CEMIP: variants seen among roughly 807,000 people sequenced by gnomAD.
The protein encoded by CEMIP is cell migration inducing hyaluronidase 1.
In CEMIP, 105 loss-of-function variants were observed where a neutral mutation model predicts 156.9. The ratio of observed to expected loss-of-function variants is 0.67; its 90% confidence interval spans 0.57 to 0.79. The LOEUF is 0.79. Ranked by LOEUF, CEMIP falls within the 30% of genes least tolerant of loss-of-function variation. The pLI is 0.00. For missense variants in CEMIP, 1,457 were observed against 1,769.4 expected (o/e 0.82, Z 3.17); for synonymous variants, 676 against 668.4 (o/e 1.01, Z -0.17).
At chr15:80,918,802 C>T (rs1007074332) in intron 14 of CEMIP, among the ~76,000 whole-genome samples, 2 of 152,034 alleles carry the variant, frequency 1.3e-5, no homozygotes, top group African/African-American at 4.8e-5. Context: ...TACCTGTTTG[C>T]CAGTTATGCT....
chr15:80,944,300 T>C (rs1189413113), intron 28 of CEMIP, among the ~76,000 whole-genome samples: 9 of 152,160 alleles, frequency 5.9e-5, no homozygotes, highest in Non-Finnish European at 8.8e-5. Context: ...AAAATAAAAG[T>C]TCTACCTCTG....
intron 1 of CEMIP, among the ~76,000 whole-genome samples, chr15:80,780,501 C>G: frequency 6.6e-6 from 1 of 152,214 alleles, no homozygotes; most frequent in East Asian, 1.9e-4. Flanking sequence ...CTGCGACAGC[C>G]GCTGTTCCCC....
intron 1 of CEMIP, among the ~76,000 whole-genome samples, chr15:80,864,970 G>A (rs1004529472): frequency 5.9e-5 from 9 of 152,008 alleles, no homozygotes; most frequent in Non-Finnish European, 8.8e-5. Flanking sequence ...GAATACCACC[G>A]TGAGAACTGT....
intron 1 of CEMIP, among the ~76,000 whole-genome samples, chr15:80,852,092 G>A (rs1294422386): frequency 6.6e-6 from 1 of 152,228 alleles, no homozygotes; most frequent in African/African-American, 2.4e-5. Context: ...TGCAGGGCAG[G>A]AAGGAGTGCT....
chr15:80,940,107 T>C (rs948061176), intron 25 of CEMIP, among the ~76,000 whole-genome samples: 3 of 152,224 alleles, frequency 2.0e-5, no homozygotes, highest in African/African-American at 7.2e-5. Flanking sequence ...GTACATTATT[T>C]AAGGTGCACA....
chr15:80,909,049 C>CA lies in CEMIP; in HGVS notation c.1588-47dup, dbSNP rs775929035. The CA allele has an allele frequency of 1.3e-5, 20 of 1,580,250 alleles. No individual in the cohort carries two copies. The African/African-American group carries it at 1.8e-4, about 14-fold the overall frequency. Reference sequence around the variant, plus strand: ...GAATATGGGCACCAGCCAGGGAAATCACAAAGCATCTCATGGGCTCCTCTG... The same window carrying CA: ...GAATATGGGCACCAGCCAGGGAAATCAACAAAGCATCTCATGGGCTCCTCTG... On this transcript the variant is annotated intron_variant, in intron 13 of 29. Transcript: ENST00000394685.
At chr15:80,870,602 G>GC (rs2076538997) in intron 1 of CEMIP, among the ~76,000 whole-genome samples, 1 of 152,108 alleles carries the variant, frequency 6.6e-6, no homozygotes, top group Non-Finnish European at 1.5e-5. Context: ...AGACTCAGGT[G>GC]CCCGGTGAGC....
chr15:80,790,544 G>GA (rs11463272), intron 1 of CEMIP, among the ~76,000 whole-genome samples: 6,825 of 152,264 alleles, frequency 0.045, 525 homozygotes, highest in African/African-American at 0.15. Flanking sequence ...AGATGGAGAA[G>GA]GTCAGTGAAG....
intron 1 of CEMIP, among the ~76,000 whole-genome samples, chr15:80,785,106 G>A (rs768087763): frequency 3.3e-5 from 5 of 152,124 alleles, no homozygotes; most frequent in Non-Finnish European, 4.4e-5. Context: ...TCTCTGGACC[G>A]AGCTACTTTT....
chr15:80,828,795 C>G (rs1363837670), intron 1 of CEMIP, among the ~76,000 whole-genome samples: 1 of 152,166 alleles, frequency 6.6e-6, no homozygotes, highest in Non-Finnish European at 1.5e-5. Context: ...TAATTAAAAA[C>G]CAGGCTTTGG....
At chr15:80,848,953 A>ATTTTTTTTTTTTT (rs764417438) in intron 1 of CEMIP, among the ~76,000 whole-genome samples, 1 of 72,462 alleles carries the variant, frequency 1.4e-5, no homozygotes, top group African/African-American at 6.7e-5. Context: ...CTCTTTAGAA[A>ATTTTTTTTTTTTT]TTTTTTTTTT....
chr15:80,910,878 G>A (rs1239553223), intron 14 of CEMIP, among the ~76,000 whole-genome samples: 1 of 152,230 alleles, frequency 6.6e-6, no homozygotes, highest in Non-Finnish European at 1.5e-5. Flanking sequence ...ATTGCTGGAA[G>A]ATGTAGGATT....
rs1407505742 is a variant in CEMIP, at chr15:80,932,401, C to T, written c.2793+362C>T. On this transcript the variant is annotated intron_variant, in intron 22 of 29. Coordinates refer to ENST00000394685, the MANE Select transcript of CEMIP (RefSeq NM_001293298.2). The surrounding 1 kb of genome is among the most constrained non-coding windows in gnomAD (Gnocchi z 4.5). ...ACCTGAGTTGGCACAAAGAATCTAACAAGCCCCACAGTTTCCAAGGGAAGT... is the reference window on the plus strand; with the variant it reads ...ACCTGAGTTGGCACAAAGAATCTAATAAGCCCCACAGTTTCCAAGGGAAGT... Among the ~76,000 whole-genome samples, 1 of 152,188 alleles carries T rather than the reference C, an allele frequency of 6.6e-6. No individual in the cohort carries two copies. The highest frequency in any genetic ancestry group is 1.5e-5 in the Non-Finnish European group (1 of 68,038).
rs1900773633 is a variant in CEMIP, at chr15:80,928,400, C to T, written c.2421-502C>T. ...TTCCTGCCCTTCTCAGGGTCAGCAT[C>T]TGCCTGGCTTCCTGGAAACTTGAAA... is the stretch of plus-strand genomic sequence containing the variant. On this transcript the variant is annotated intron_variant, in intron 19 of 29. Coordinates refer to ENST00000394685, the MANE Select transcript of CEMIP (RefSeq NM_001293298.2). Among the ~76,000 whole-genome samples, 5 of 152,182 alleles carry T rather than the reference C, an allele frequency of 3.3e-5. No homozygotes were observed. In the South Asian group the frequency reaches 1.0e-3, roughly 32 times the overall value.
At chr15:80,944,194 C>T (rs1335559077) in intron 28 of CEMIP, among the ~76,000 whole-genome samples, 3 of 152,146 alleles carry the variant, frequency 2.0e-5, no homozygotes, top group African/African-American at 7.2e-5. Context: ...GCAGGAGAAT[C>T]GCTTGAACCC....
At chr15:80,905,739 G>A (rs1221488369) in intron 12 of CEMIP, among the ~76,000 whole-genome samples, 2 of 152,192 alleles carry the variant, frequency 1.3e-5, no homozygotes, top group Admixed American at 1.3e-4. Flanking sequence ...GGAATATAAG[G>A]AGCCCAAATG....
intron 6 of CEMIP, among the ~76,000 whole-genome samples, chr15:80,882,242 C>T (rs1187586356): frequency 6.6e-6 from 1 of 152,212 alleles, no homozygotes; most frequent in Non-Finnish European, 1.5e-5. Context: ...GGACTTTCTC[C>T]CCGTAAAACA....
At position 80,810,032 on chromosome 15, in the gene CEMIP, A is replaced by C. The variant is rs530286323; in HGVS notation, c.-176+30418A>C. On this transcript the variant is annotated intron_variant, in intron 1 of 29. Transcript: ENST00000394685. ...TACATCTTCAAAATCTCTGTACTGC[A>C]GTACCTACATTAGTGTTTGATTGGG... 2.0e-5 allele frequency among the ~76,000 whole-genome samples: 3 copies of C among 152,294 alleles called. No homozygotes were observed. The South Asian group carries it at 6.2e-4, about 32-fold the overall frequency.
At chr15:80,886,099 A>G (rs546393599) in intron 7 of CEMIP, among the ~76,000 whole-genome samples, 12 of 152,214 alleles carry the variant, frequency 7.9e-5, no homozygotes, top group Admixed American at 2.0e-4. Context: ...GAAGGCAGGT[A>G]TGAATGGAAA....
Sources: gnomAD v4.1 joint callset for allele counts (sites outside exome capture counted in the v4.1 genomes callset) on GRCh38, gnomAD v4.1.1 for gene constraint, Gnocchi (gnomAD v3.1) non-coding constraint, MANE v1.5 for transcripts, NCBI Gene and HGNC (gene_info 2026-07-23, HGNC 2026-07-21) for gene names.